Variants in AKAP13 observed in about 807,000 individuals in gnomAD.
The protein encoded by AKAP13 is A-kinase anchoring protein 13.
AKAP13 carries 80 observed loss-of-function variants against 264.5 expected under a neutral mutation model. The observed-to-expected ratio is 0.30, with a 90% CI of 0.25 to 0.36. The LOEUF is 0.36. AKAP13 is among the 10% of genes least tolerant of loss of function. AKAP13 has a pLI of 1.00. For synonymous variants in AKAP13, 1,380 were observed against 1,250.2 expected (o/e 1.10, Z -2.19); for missense variants, 3,712 against 3,435.2 (o/e 1.08, Z -2.01).
chr15:85,582,686 A>G (rs1452684856), intron 7 of AKAP13, among the ~76,000 whole-genome samples: 2 of 150,976 alleles, frequency 1.3e-5, no homozygotes, highest in Middle Eastern at 3.2e-3. Flanking sequence ...TTTTTGGGCT[A>G]GGGGTGTTGT....
chr15:85,476,956 AG>A (rs1486026148), intron 1 of AKAP13, among the ~76,000 whole-genome samples: 1 of 152,150 alleles, frequency 6.6e-6, no homozygotes, highest in Non-Finnish European at 1.5e-5. Context: ...CCCAGAGTAC[AG>A]GGCTCCATCT....
At chr15:85,496,915 G>C (rs74318315) in intron 2 of AKAP13, among the ~76,000 whole-genome samples, 2,537 of 151,154 alleles carry the variant, frequency 0.017, 85 homozygotes, top group African/African-American at 0.058. Context: ...CTTTCTGTTG[G>C]ACTTTTTAAT....
intron 16 of AKAP13, chr15:85,689,996 G>A (rs376688930): frequency 3.9e-4 from 59 of 152,268 alleles, no homozygotes; most frequent in African/African-American, 1.4e-3. Flanking sequence ...CCCCGCTTCT[G>A]TGAGAGCACG....
At chr15:85,721,492 T>C (rs968622551) in intron 23 of AKAP13, among the ~76,000 whole-genome samples, 1 of 152,182 alleles carries the variant, frequency 6.6e-6, no homozygotes, top group African/African-American at 2.4e-5. Flanking sequence ...TTGCACACAT[T>C]TGGGAATGAT....
intron 9 of AKAP13, among the ~76,000 whole-genome samples, chr15:85,643,021 A>G (rs973454976): frequency 1.7e-5 from 2 of 116,842 alleles, no homozygotes; most frequent in Non-Finnish European, 3.5e-5. Flanking sequence ...AGGAAACGTG[A>G]AAAAAAAAAA....
At chr15:85,443,720 T>C (rs530535116) in intron 1 of AKAP13, among the ~76,000 whole-genome samples, 2 of 152,112 alleles carry the variant, frequency 1.3e-5, no homozygotes, top group South Asian at 4.2e-4. Context: ...CATGACTGTA[T>C]TTGCATTTGT....
intron 4 of AKAP13, among the ~76,000 whole-genome samples, chr15:85,538,913 C>T (rs1309133577): frequency 1.3e-5 from 2 of 151,304 alleles, no homozygotes; most frequent in East Asian, 2.0e-4. Flanking sequence ...TCACTGCAAG[C>T]TCTGCCTCCC....
intron 1 of AKAP13, among the ~76,000 whole-genome samples, chr15:85,472,352 A>C (rs1486575496): frequency 6.6e-6 from 1 of 151,986 alleles, no homozygotes; most frequent in Non-Finnish European, 1.5e-5. Flanking sequence ...AAAAAAAAAA[A>C]AAAACAAAGA....
chr15:85,475,208 C>T (rs1046840366), intron 1 of AKAP13, among the ~76,000 whole-genome samples: 27 of 152,124 alleles, frequency 1.8e-4, no homozygotes, highest in African/African-American at 6.5e-4. Flanking sequence ...ACATAAAACC[C>T]AGCTGTGTAA....
intron 2 of AKAP13, among the ~76,000 whole-genome samples, chr15:85,489,791 G>T (rs2075673116): frequency 6.6e-6 from 1 of 152,224 alleles, no homozygotes; most frequent in Non-Finnish European, 1.5e-5. Flanking sequence ...AGTTAAAAAT[G>T]TAAGGAAGGT....
At chr15:85,555,809 A>G (rs2078122724) in intron 5 of AKAP13, among the ~76,000 whole-genome samples, 1 of 144,482 alleles carries the variant, frequency 6.9e-6, no homozygotes, top group African/African-American at 2.5e-5. Context: ...GGCTTATTGA[A>G]TTTTGTTGTA....
rs982267955 is a variant in AKAP13, at chr15:85,745,775, C to G, written c.*1098C>G. ...AGGCGAAGGGTGAAGCCATGTGTAG[C>G]AGTTCCTGCCAGTGCAGATCTGGAG... On this transcript the variant is annotated 3_prime_UTR_variant, in exon 37 of 37. Coordinates refer to ENST00000394518, the MANE Select transcript of AKAP13 (RefSeq NM_007200.5). The G allele has an allele frequency of 3.9e-5, 6 of 152,280 alleles. No homozygotes were observed. The highest frequency in any genetic ancestry group is 1.2e-4 in the African/African-American group (5 of 41,456). The allele number at this position is 152,280 out of a possible 1,614,324, so 9.4% of individuals were successfully genotyped here. A position where few individuals can be genotyped will look rare whatever the true frequency, so the allele number is the denominator to read the frequency against.
In AKAP13 at chr15:85,727,012, CAGAGTTAGAATATTGTAT is replaced by C. The variant is rs2087659397; in HGVS notation, c.6823-52_6823-35del. On this transcript the variant is annotated intron_variant, in intron 27 of 36. Coordinates refer to ENST00000394518, the MANE Select transcript of AKAP13 (RefSeq NM_007200.5). The surrounding 1 kb of genome is among the most constrained non-coding windows in gnomAD (Gnocchi z 5.3). ...CTTACCTTAGATTGAAGCTGTCCTT[CAGAGTTAGAATATTGTAT>C]ATGTATCTTTTATTTGCCCTCTTCC... The C allele has an allele frequency of 6.3e-7, 1 of 1,593,604 alleles. No homozygotes were observed. Among genetic ancestry groups the C allele is most frequent in the African/African-American group, 1.3e-5 (1 of 74,572 alleles).
chr15:85,646,134 A>G (rs1286679598), intron 10 of AKAP13, among the ~76,000 whole-genome samples, 180 bp downstream of exon 10: 11 of 152,192 alleles, frequency 7.2e-5, no homozygotes, highest in Non-Finnish European at 4.4e-5. Flanking sequence ...TCTGAGAGGC[A>G]TGTAAATGTT....
At chr15:85,464,873 CAG>C (rs1289744093) in intron 1 of AKAP13, among the ~76,000 whole-genome samples, 1 of 152,116 alleles carries the variant, frequency 6.6e-6, no homozygotes, top group African/African-American at 2.4e-5. Flanking sequence ...ATGATGAAAC[CAG>C]AGACTAAACT....
rs139789879 is a variant in AKAP13, at chr15:85,497,656, A to G, written c.33+11903A>G. Among the ~76,000 whole-genome samples the G allele has an allele frequency of 4.6e-5, 7 of 152,316 alleles. No homozygotes were observed. The East Asian group carries it at 9.7e-4, about 21-fold the overall frequency. The stretch of plus-strand genomic sequence containing the variant: ...TTAGCCACATGTGACTGTTTAATTA[A>G]AGTGAAATAAAATTAAAAATTCACT... On this transcript the variant is annotated intron_variant, in intron 2 of 36. Coordinates refer to ENST00000394518, the MANE Select transcript of AKAP13 (RefSeq NM_007200.5).
intron 5 of AKAP13, among the ~76,000 whole-genome samples, chr15:85,546,264 A>G (rs543801907): frequency 3.3e-5 from 5 of 152,138 alleles, no homozygotes; most frequent in African/African-American, 7.2e-5. Context: ...TGGTATATAC[A>G]TAGATTAAAA....
chr15:85,480,786 C>G (rs1199531847), intron 1 of AKAP13: 1 of 152,260 alleles, frequency 6.6e-6, no homozygotes, highest in Non-Finnish European at 1.5e-5. Flanking sequence ...CTCCCAGGTT[C>G]AAACGATTCT....
chr15:85,744,443 T>A (rs1567228210), intron 36 of AKAP13, 185 bp from the exon 37 acceptor site: 2 of 639,228 alleles, frequency 3.1e-6, no homozygotes, highest in East Asian at 5.4e-5. Context: ...CATTAGGCAG[T>A]GAAGGATATC....
Sources: allele counts gnomAD v4.1 joint callset (sites outside exome capture counted in the v4.1 genomes callset), GRCh38; gene constraint gnomAD v4.1.1; non-coding constraint Gnocchi (gnomAD v3.1); transcripts MANE v1.5; gene names NCBI Gene and HGNC (gene_info 2026-07-23, HGNC 2026-07-21).